Variants in LRRC40 observed in about 807,000 individuals in gnomAD.
LRRC40 encodes leucine-rich repeat-containing protein 40.
A neutral mutation model predicts 72.8 loss-of-function variants in LRRC40; 76 were observed. The ratio of observed to expected loss-of-function variants is 1.04; its 90% confidence interval spans 0.87 to 1.26. The LOEUF (loss-of-function observed/expected upper bound fraction) is 1.26, where lower values mean the gene tolerates loss of function less well. Among genes scored for constraint, LRRC40 ranks in the 50% most tolerant of loss-of-function variants. The probability of loss-of-function intolerance (pLI) is 0.00; values close to 1 mark genes in which losing one functional copy is unlikely to be tolerated. For missense variants in LRRC40, 684 were observed against 698.9 expected, an observed-to-expected ratio of 0.98 and a Z score of 0.24; for synonymous variants, 243 against 254.2, an observed-to-expected ratio of 0.96 and a Z score of 0.42.
At chr1:70,161,788 TTTGGTTATTTATTTGTTCCTTC>T (rs2100258104) in intron 9 of LRRC40, among the ~76,000 whole-genome samples, 1 of 152,166 alleles carries the variant, frequency 6.6e-6, no homozygotes, top group Non-Finnish European at 1.5e-5. Context: ...CTAGAGTCCA[TTTGGTTATTTATTTGTTCCTTC>T]ATTCTATAAC....
intron 11 of LRRC40, 114 bp downstream of exon 11, chr1:70,155,575 T>A: frequency 2.3e-6 from 1 of 431,596 alleles, no homozygotes; most frequent in Non-Finnish European, 4.1e-6. Context: ...AATGTAAAAA[T>A]TTTTACATAT....
At chr1:70,192,753 C>A (rs1047847707) in intron 1 of LRRC40, among the ~76,000 whole-genome samples, 3 of 151,908 alleles carry the variant, frequency 2.0e-5, no homozygotes, top group Non-Finnish European at 4.4e-5. Flanking sequence ...TAAGTGGGAG[C>A]TAAATGATGA....
At chr1:70,155,574 A>T in intron 11 of LRRC40, 115 bp downstream of exon 11, 1 of 430,462 alleles carries the variant, frequency 2.3e-6, no homozygotes, top group East Asian at 3.5e-5. Flanking sequence ...TAATGTAAAA[A>T]TTTTTACATA....
chr1:70,147,552 G>C (rs563276141), intron 14 of LRRC40, among the ~76,000 whole-genome samples: 1 of 152,272 alleles, frequency 6.6e-6, no homozygotes, highest in African/African-American at 2.4e-5. Flanking sequence ...AAAATGTTGT[G>C]ACTAGACTCT....
intron 11 of LRRC40, 68 bp from the exon 12 acceptor site, chr1:70,152,611 G>C (rs1667531138): frequency 1.3e-6 from 1 of 778,718 alleles, no homozygotes; most frequent in Admixed American, 2.3e-5. Context: ...ACTGTAAGCA[G>C]ATCAAAGGGG....
At chr1:70,201,321 G>A (rs1413136696) in intron 1 of LRRC40, among the ~76,000 whole-genome samples, 1 of 152,162 alleles carries the variant, frequency 6.6e-6, no homozygotes, top group Admixed American at 6.5e-5. Flanking sequence ...GGACAAGTTA[G>A]TAAGTTTATA....
At chr1:70,202,938 T>C (rs528296347) in intron 1 of LRRC40, among the ~76,000 whole-genome samples, 1 of 152,340 alleles carries the variant, frequency 6.6e-6, no homozygotes, top group East Asian at 1.9e-4. Context: ...TTGCCCAAGC[T>C]GGAGTGCAAT....
intron 9 of LRRC40, among the ~76,000 whole-genome samples, chr1:70,163,339 G>A (rs143943702): frequency 2.0e-5 from 3 of 151,958 alleles, no homozygotes; most frequent in Admixed American, 6.6e-5. Flanking sequence ...CGCCCACCTC[G>A]GCCTCCCAAA....
In LRRC40 at chr1:70,178,877, C is replaced by G. The variant is rs1447708678; in HGVS notation, c.778G>C (p.Glu260Gln). ...LRRNKLRFLP[E>Q]FPSCSLLKEL... ...TTCAATAGACTACAAGAAGGAAATT[C>G]TGGTAGAAAACGTAATTTATTCCTC... Residue 260 changes from glutamate to glutamine, a missense_variant, in exon 6 of 15, where the codon GAA (glutamate) becomes CAA (glutamine). Glu to Gln is a conservative substitution (Grantham distance 29). Coordinates refer to ENST00000370952, the MANE Select transcript of LRRC40 (RefSeq NM_017768.5). The G allele has an allele frequency of 6.3e-7, 1 of 1,595,998 alleles. No individual in the cohort carries two copies. Among genetic ancestry groups the G allele is most frequent in the African/African-American group, 1.3e-5 (1 of 74,512 alleles).
intron 9 of LRRC40, among the ~76,000 whole-genome samples, chr1:70,165,616 T>C (rs528855943): frequency 2.0e-5 from 3 of 152,216 alleles, no homozygotes; most frequent in Admixed American, 6.5e-5. Flanking sequence ...ACCAATCCCT[T>C]TTCTACCTCT....
Position 70,175,859 on chromosome 1 carries a change from G to A in LRRC40, c.928C>T (p.Leu310=), listed in dbSNP as rs1668092182. 6 of 1,591,878 alleles carry A rather than the reference G, an allele frequency of 3.8e-6. No individual in the cohort carries two copies. Among genetic ancestry groups the A allele is most frequent in the Admixed American group, 1.8e-5 (1 of 55,154 alleles). ...KLKSVPDEII[L]LRSLERLDLS... ...TCAAGCCTTTCCAAGGACCGTAGTAGTATAATTTCATCTGGAACAGATTTT... is the reference window on the plus strand; with the variant it reads ...TCAAGCCTTTCCAAGGACCGTAGTAATATAATTTCATCTGGAACAGATTTT... The change falls in exon 7 of 15, where the codon CTA becomes TTA. Residue 310 remains leucine (L), a synonymous_variant. Transcript: ENST00000370952.
At position 70,192,826 on chromosome 1, in the gene LRRC40, G is replaced by A. The variant is rs536394184; in HGVS notation, c.152-3553C>T. ...GGGTCCTCTTGAGGGTGGAAGGTGGGAGGAGGGAGAGGATCAGAAAAAAAT... is the reference window on the plus strand; with the variant it reads ...GGGTCCTCTTGAGGGTGGAAGGTGGAAGGAGGGAGAGGATCAGAAAAAAAT... On this transcript the variant is annotated intron_variant, in intron 1 of 14. Coordinates refer to ENST00000370952, the MANE Select transcript of LRRC40 (RefSeq NM_017768.5). Among the ~76,000 whole-genome samples the A allele has an allele frequency of 5.3e-5, 8 of 152,236 alleles. 1 individual carries two copies. The East Asian group carries it at 1.5e-3, about 29-fold the overall frequency.
chr1:70,191,115 G>A (rs1438189007), intron 1 of LRRC40, among the ~76,000 whole-genome samples: 1 of 151,224 alleles, frequency 6.6e-6, no homozygotes, highest in Non-Finnish European at 1.5e-5. Context: ...AAAAATAAAT[G>A]TGACTCTTGA....
At position 70,205,453 on chromosome 1, in the gene LRRC40, C is replaced by G; in HGVS notation, c.88G>C (p.Gly30Arg). The G allele has an allele frequency of 6.2e-7, 1 of 1,609,818 alleles. No individual in the cohort carries two copies. Among genetic ancestry groups the G allele is most frequent in the Non-Finnish European group, 8.5e-7 (1 of 1,176,508 alleles). ...CTCTTCCTCGCTGCCTTCAACAGCC[C>G]TTGGGGTACCGAGGTACCGCAGTCT... The part of the protein sequence containing the change: ...GRDCGTSVPQ[G>R]LLKAARKSGQ... Residue 30 changes from glycine (G) to arginine (R), a missense_variant, in exon 1 of 15, where the codon GGG (glycine) becomes CGG (arginine). Coordinates refer to ENST00000370952, the MANE Select transcript of LRRC40 (RefSeq NM_017768.5).
intron 3 of LRRC40, among the ~76,000 whole-genome samples, chr1:70,187,004 T>TAA (rs370951818): frequency 7.2e-6 from 1 of 139,656 alleles, no homozygotes; most frequent in Non-Finnish European, 1.6e-5. Context: ...AATTGTTTTA[T>TAA]AAAAAAAAAA....
intron 1 of LRRC40, among the ~76,000 whole-genome samples, chr1:70,195,727 G>A (rs112723109): frequency 0.028 from 4,298 of 152,178 alleles, 215 homozygotes; most frequent in African/African-American, 0.099. Flanking sequence ...TCCGCCTCCC[G>A]GGTTCAAGGG....
At chr1:70,195,938 A>G (rs895838526) in intron 1 of LRRC40, among the ~76,000 whole-genome samples, 3 of 152,096 alleles carry the variant, frequency 2.0e-5, no homozygotes, top group Non-Finnish European at 4.4e-5. Flanking sequence ...GCCAGGACCT[A>G]TACTTACTAC....
At chr1:70,153,570 C>T (rs1357287213) in intron 11 of LRRC40, among the ~76,000 whole-genome samples, 1 of 152,048 alleles carries the variant, frequency 6.6e-6, no homozygotes, top group Admixed American at 6.5e-5. Context: ...GAAATCTGGC[C>T]TAGAGAAACA....
intron 3 of LRRC40, 96 bp downstream of exon 3, chr1:70,187,169 A>G: frequency 1.6e-6 from 1 of 635,890 alleles, no homozygotes; most frequent in East Asian, 3.1e-5. Flanking sequence ...TTTCTGAGAT[A>G]ATTCAAAGAT....
Sources: allele counts gnomAD v4.1 joint callset (sites outside exome capture counted in the v4.1 genomes callset), GRCh38; gene constraint gnomAD v4.1.1; transcripts MANE v1.5; gene names NCBI Gene and HGNC (gene_info 2026-07-23, HGNC 2026-07-21).